The following BRDT variants were observed in gnomAD, a reference collection of about 807,000 sequenced individuals.
BRDT encodes bromodomain testis-specific protein.
Under a neutral mutation model 113.9 loss-of-function variants are expected in BRDT, and 77 were observed. That is an observed-to-expected ratio of 0.68 (90% CI 0.56 to 0.82). The LOEUF is 0.82. Ranked by LOEUF, BRDT falls within the 40% of genes least tolerant of loss-of-function variation. The probability of loss-of-function intolerance (pLI) is 0.00; values close to 1 mark genes in which losing one functional copy is unlikely to be tolerated. For missense variants in BRDT, 1,027 were observed against 1,105.4 expected, an observed-to-expected ratio of 0.93 and a Z score of 1.01; for synonymous variants, 358 against 366.5, an observed-to-expected ratio of 0.98 and a Z score of 0.26.
intron 16 of BRDT, among the ~76,000 whole-genome samples, chr1:92,002,834 A>G (rs1686977934): frequency 6.6e-6 from 1 of 152,192 alleles, no homozygotes; most frequent in African/African-American, 2.4e-5. Flanking sequence ...CAAATTATAT[A>G]CTGATATCAT....
intron 4 of BRDT, 38 bp downstream of exon 4, chr1:91,968,298 T>C (rs747588891): frequency 1.2e-6 from 2 of 1,601,680 alleles, no homozygotes; most frequent in Admixed American, 1.7e-5. Flanking sequence ...TTCTCTCTCT[T>C]TTTTTCCCCT....
At chr1:91,958,616 A>C (rs1469910150) in intron 1 of BRDT, among the ~76,000 whole-genome samples, 3 of 152,166 alleles carry the variant, frequency 2.0e-5, no homozygotes, top group African/African-American at 7.2e-5. Context: ...AGTTATTTTC[A>C]AGTTTTGGCA....
Position 92,004,516 on chromosome 1 carries a change from A to G in BRDT, c.2491A>G (p.Lys831Glu). The change falls in exon 17 of 19, where the codon AAA becomes GAA. Residue 831 changes from lysine (K) to glutamate (E), a missense_variant. Physicochemically the swap from Lys to Glu is moderately conservative, Grantham distance 56 (BLOSUM62 1). Transcript: ENST00000399546. ...SSDELFNQFRKAAIEKEVKAR... is the reference protein window; with the variant it reads ...SSDELFNQFREAAIEKEVKAR... ...AGATGAGCTCTTCAACCAATTTAGA[A>G]AAGCAGCCATAGAAAAGGAAGTAAA... is the stretch of plus-strand genomic sequence containing the variant. 2 of 1,613,572 alleles carry G rather than the reference A, an allele frequency of 1.2e-6. No individual in the cohort carries two copies. The highest frequency in any genetic ancestry group is 1.1e-5 in the South Asian group (1 of 90,984).
intron 3 of BRDT, among the ~76,000 whole-genome samples, chr1:91,967,067 G>A (rs1213468151): frequency 3.3e-5 from 5 of 152,036 alleles, no homozygotes; most frequent in East Asian, 1.9e-4. Context: ...AGACTTCGTC[G>A]TTGAATATGT....
At chr1:91,995,798 A>G (rs1031969714) in intron 15 of BRDT, among the ~76,000 whole-genome samples, 2 of 152,000 alleles carry the variant, frequency 1.3e-5, no homozygotes, top group Non-Finnish European at 2.9e-5. Flanking sequence ...CACCACGCCC[A>G]GCTAATTTTT....
chr1:91,972,004 T>TC (rs1162099410), intron 4 of BRDT, among the ~76,000 whole-genome samples: 1 of 151,754 alleles, frequency 6.6e-6, no homozygotes, highest in East Asian at 1.9e-4. Flanking sequence ...CAGCTATTGT[T>TC]CCTTTTTTTT....
chr1:91,984,209 C>T (rs1329238770), intron 12 of BRDT, among the ~76,000 whole-genome samples: 2 of 152,008 alleles, frequency 1.3e-5, no homozygotes, highest in Non-Finnish European at 2.9e-5. Context: ...ACCTTTTGTC[C>T]TAATTTTTTT....
chr1:91,971,333 G>A (rs535529767), intron 4 of BRDT, among the ~76,000 whole-genome samples: 1 of 152,208 alleles, frequency 6.6e-6, no homozygotes, highest in South Asian at 2.1e-4. Context: ...GGAAAAGTTG[G>A]GAGAGGCTTT....
At chr1:92,007,220 G>T (rs1395984591) in intron 18 of BRDT, among the ~76,000 whole-genome samples, 1 of 151,174 alleles carries the variant, frequency 6.6e-6, no homozygotes, top group Non-Finnish European at 1.5e-5. Context: ...GCCCGTTTTT[G>T]TATTAAGCTT....
At chr1:91,956,567 G>T (rs1409824530) in intron 1 of BRDT, among the ~76,000 whole-genome samples, 1 of 152,090 alleles carries the variant, frequency 6.6e-6, no homozygotes, top group Non-Finnish European at 1.5e-5. Flanking sequence ...AATTTAAATT[G>T]TTATGGTTAA....
chr1:91,998,616 G>T (rs1011718032), intron 15 of BRDT, among the ~76,000 whole-genome samples: 2 of 152,114 alleles, frequency 1.3e-5, no homozygotes, highest in Non-Finnish European at 2.9e-5. Flanking sequence ...CTATCTCATA[G>T]GAGAAATAAA....
chr1:92,014,244 T>A lies in BRDT; in HGVS notation c.2814T>A (p.Ile938=), dbSNP rs753288910. ...GTIDMTLQSD[I]MTMFENNFD The stretch of plus-strand genomic sequence containing the variant: ...TTGATATGACCCTTCAAAGTGACAT[T>A]ATGACAATGTTTGAAAACAACTTTG... Residue 938 remains isoleucine, a synonymous_variant, in exon 19 of 19, where the codon ATT becomes ATA. Coordinates refer to ENST00000399546, the MANE Select transcript of BRDT (RefSeq NM_207189.4). 5.0e-6 allele frequency: 8 copies of A among 1,592,348 alleles called. No individual in the cohort carries two copies. The highest frequency in any genetic ancestry group is 3.7e-5 in the Admixed American group (2 of 54,396).
chr1:91,977,333 T>C lies in BRDT; in HGVS notation c.909T>C (p.Ala303=). 1.2e-6 allele frequency: 2 copies of C among 1,613,628 alleles called. No homozygotes were observed. Among genetic ancestry groups the C allele is most frequent in the Non-Finnish European group, 1.7e-6 (2 of 1,179,892 alleles). ...TTTATAATCCTGTTGACGTTAATGC[T>C]TTGGGACTCCATAACTACTATGACG... ...WPFYNPVDVN[A]LGLHNYYDVV... Residue 303 remains alanine, a synonymous_variant, in exon 6 of 19, where the codon GCT becomes GCC. Transcript: ENST00000399546.
chr1:91,964,396 A>C (rs567848256), intron 2 of BRDT, among the ~76,000 whole-genome samples: 77 of 152,132 alleles, frequency 5.1e-4, no homozygotes, highest in Non-Finnish European at 8.1e-4. Flanking sequence ...GGGTTTTGCC[A>C]TGTTGGCCAG....
At chr1:91,990,912 C>T (rs1685692538) in intron 12 of BRDT, among the ~76,000 whole-genome samples, 1 of 152,190 alleles carries the variant, frequency 6.6e-6, no homozygotes, top group Non-Finnish European at 1.5e-5. Context: ...ATTCTCCTGC[C>T]TCAGCCTCCT....
rs576615086 is a variant in BRDT, at chr1:92,005,956, A to G, written c.2775+657A>G. Among the ~76,000 whole-genome samples the G allele has an allele frequency of 6.6e-5, 10 of 152,356 alleles. No individual in the cohort carries two copies. In the South Asian group the frequency reaches 2.1e-3, roughly 32 times the overall value. Reference sequence around the variant, plus strand: ...TAGGAGTCCTAATATGCAGAAAATAATATTTTAAAAGCTACAGTTGATTCC... The same window carrying G: ...TAGGAGTCCTAATATGCAGAAAATAGTATTTTAAAAGCTACAGTTGATTCC... On this transcript the variant is annotated intron_variant, in intron 18 of 18. Transcript: ENST00000399546.
Position 92,005,101 on chromosome 1 carries a change from A to G in BRDT, c.2595-18A>G, listed in dbSNP as rs759439397. 6 of 1,442,812 alleles carry G rather than the reference A, an allele frequency of 4.2e-6. No homozygotes were observed. The highest frequency in any genetic ancestry group is 5.5e-6 in the Non-Finnish European group (6 of 1,098,082). The allele number at this position is 1,442,812 out of a possible 1,614,324, so 89.4% of individuals were successfully genotyped here. ...AGGAACTTGAAACCTACTTTGAGCT[A>G]TACTTTTTTTCTTTAAGGGATCTTG... On this transcript the variant is annotated intron_variant, in intron 17 of 18. Transcript: ENST00000399546.
rs917496129 is a variant in BRDT, at chr1:91,977,206, A to G, written c.782A>G (p.Tyr261Cys). Residue 261 changes from tyrosine to cysteine, a missense_variant, in exon 6 of 19, where the codon TAT becomes TGT. Tyr to Cys is a radical substitution (Grantham distance 194, BLOSUM62 -2). Coordinates refer to ENST00000399546, the MANE Select transcript of BRDT (RefSeq NM_207189.4). Reference sequence around the variant, plus strand: ...GTTTTGCCAGATTCTCAGCAACAATATAATGTTGTGAAGACTGTTAAAGTA... The same window carrying G: ...GTTTTGCCAGATTCTCAGCAACAATGTAATGTTGTGAAGACTGTTAAAGTA... ...KNVLPDSQQQ[Y>C]NVVKTVKVTE... The G allele has an allele frequency of 3.1e-6, 5 of 1,613,974 alleles. No homozygotes were observed. The highest frequency in any genetic ancestry group is 1.7e-5 in the Admixed American group (1 of 60,006).
chr1:91,988,850 A>G (rs985702795), intron 12 of BRDT, among the ~76,000 whole-genome samples: 1 of 152,260 alleles, frequency 6.6e-6, no homozygotes, highest in Non-Finnish European at 1.5e-5. Context: ...ATGTAGTTTT[A>G]GTTTATTATG....
Sources: allele counts gnomAD v4.1 joint callset (sites outside exome capture counted in the v4.1 genomes callset), GRCh38; gene constraint gnomAD v4.1.1; transcripts MANE v1.5; gene names NCBI Gene and HGNC (gene_info 2026-07-23, HGNC 2026-07-21).